NTNG1: variants seen among roughly 807,000 people sequenced by gnomAD.
NTNG1 encodes the protein netrin-G1.
In NTNG1, 16 loss-of-function variants were observed where a neutral mutation model predicts 54.0. That is an observed-to-expected ratio of 0.30 (90% CI 0.20 to 0.45). NTNG1 has a LOEUF of 0.45. NTNG1 is among the 20% of genes least tolerant of loss of function. The pLI is 1.00. For synonymous variants in NTNG1, 255 were observed against 263.1 expected (o/e 0.97, Z 0.30); for missense variants, 530 against 678.7 (o/e 0.78, Z 2.43).
chr1:107,460,270 A>T, intron 7 of NTNG1: 1 of 436,222 alleles, frequency 2.3e-6, no homozygotes, highest in Non-Finnish European at 4.6e-6. Context: ...CTGACAGTTC[A>T]TCATGAGCGC....
At chr1:107,461,162 C>T (rs1677260211) in intron 7 of NTNG1, among the ~76,000 whole-genome samples, 1 of 152,216 alleles carries the variant, frequency 6.6e-6, no homozygotes, top group Non-Finnish European at 1.5e-5. Context: ...AGACCCTGCT[C>T]TCAAGGAGCT....
intron 2 of NTNG1, among the ~76,000 whole-genome samples, chr1:107,305,691 G>A (rs1263459033): frequency 1.3e-5 from 2 of 151,976 alleles, no homozygotes; most frequent in Non-Finnish European, 2.9e-5. Context: ...TCTGTAGGTT[G>A]CCTGTTCACT....
At chr1:107,193,435 A>T (rs929142204) in intron 2 of NTNG1, among the ~76,000 whole-genome samples, 1 of 152,020 alleles carries the variant, frequency 6.6e-6, no homozygotes, top group African/African-American at 2.4e-5. Flanking sequence ...TTGTCCTCAT[A>T]ACTCATTATT....
chr1:107,194,331 T>C (rs1003085172), intron 2 of NTNG1, among the ~76,000 whole-genome samples: 27 of 152,026 alleles, frequency 1.8e-4, no homozygotes, highest in Admixed American at 8.5e-4. Flanking sequence ...ATTCACAGCA[T>C]TCTTCTGCCT....
At position 107,247,358 on chromosome 1, in the gene NTNG1, T is replaced by C. The variant is rs570244237; in HGVS notation, c.247-76924T>C. Reference sequence around the variant, plus strand: ...GGAGAGAAACAAGCTAAGAAGATCATGTAATGGCTAGCACAGAGCTTGGAG... The same window carrying C: ...GGAGAGAAACAAGCTAAGAAGATCACGTAATGGCTAGCACAGAGCTTGGAG... On this transcript the variant is annotated intron_variant, in intron 2 of 7. Transcript: ENST00000370068. Among the ~76,000 whole-genome samples, 14 of 152,330 alleles carry C rather than the reference T, an allele frequency of 9.2e-5. No homozygotes were observed. In the South Asian group the frequency reaches 2.9e-3, roughly 32 times the overall value.
intron 3 of NTNG1, among the ~76,000 whole-genome samples, chr1:107,343,634 C>T (rs1669048255): frequency 6.6e-6 from 1 of 152,048 alleles, no homozygotes; most frequent in Non-Finnish European, 1.5e-5. Context: ...AGCAGACGCT[C>T]TATCCCTGAA....
chr1:107,147,668 T>G (rs1158979466), intron 1 of NTNG1, among the ~76,000 whole-genome samples: 1 of 152,158 alleles, frequency 6.6e-6, no homozygotes, highest in African/African-American at 2.4e-5. Context: ...AAAAGGGATA[T>G]AAGTAGTTGT....
intron 2 of NTNG1, among the ~76,000 whole-genome samples, chr1:107,253,467 C>T (rs1239091731): frequency 6.6e-6 from 1 of 152,214 alleles, no homozygotes; most frequent in East Asian, 1.9e-4. Flanking sequence ...CCATGTCACC[C>T]ATTTTCCCCA....
At chr1:107,356,963 A>C (rs1298384021) in intron 3 of NTNG1, among the ~76,000 whole-genome samples, 1 of 152,160 alleles carries the variant, frequency 6.6e-6, no homozygotes, top group Non-Finnish European at 1.5e-5. Context: ...GGATCATGCC[A>C]CTGCACTCCA....
At chr1:107,146,506 A>T (rs1365439253) in intron 1 of NTNG1, among the ~76,000 whole-genome samples, 1 of 152,046 alleles carries the variant, frequency 6.6e-6, no homozygotes, top group Admixed American at 6.6e-5. Flanking sequence ...GCCACAACAC[A>T]TGCTTCTCTG....
chr1:107,444,408 T>A (rs1676181691), intron 7 of NTNG1, among the ~76,000 whole-genome samples: 1 of 152,130 alleles, frequency 6.6e-6, no homozygotes. Context: ...TTGTTCTGAA[T>A]GTACTCCACA....
chr1:107,184,773 A>C (rs144130915), intron 2 of NTNG1, among the ~76,000 whole-genome samples: 1 of 152,202 alleles, frequency 6.6e-6, no homozygotes, highest in African/African-American at 2.4e-5. Context: ...TGAAAAGTTT[A>C]TAAGGAACCA....
chr1:107,159,071 C>A (rs1655214940), intron 2 of NTNG1, among the ~76,000 whole-genome samples: 2 of 152,270 alleles, frequency 1.3e-5, no homozygotes, highest in South Asian at 2.1e-4. Context: ...GGACCGTCTG[C>A]ATGCTCTCTC....
At chr1:107,202,780 A>G (rs1436149721) in intron 2 of NTNG1, among the ~76,000 whole-genome samples, 9 of 151,850 alleles carry the variant, frequency 5.9e-5, no homozygotes, top group Non-Finnish European at 1.0e-4. Flanking sequence ...CAAATGCACT[A>G]TTTTCTCCTG....
chr1:107,404,423 CAATATGTATTGTT>C (rs1673271067), intron 4 of NTNG1, among the ~76,000 whole-genome samples: 1 of 152,012 alleles, frequency 6.6e-6, no homozygotes, highest in Non-Finnish European at 1.5e-5. Context: ...TGTTCAAAGA[CAATATGTATTGTT>C]AATATTAACA....
chr1:107,366,185 A>T (rs1008620379), intron 3 of NTNG1, among the ~76,000 whole-genome samples: 39 of 152,174 alleles, frequency 2.6e-4, no homozygotes, highest in Non-Finnish European at 1.9e-4. Flanking sequence ...AGGTAATTTA[A>T]TCTCCACAAT....
rs1203601181 is a variant in NTNG1 at position 107,484,356 on chromosome 1, A to C, written c.*3516A>C. The stretch of plus-strand genomic sequence containing the variant: ...AACAGTCTAAGAATTCTAAATCTAT[A>C]CCTGGGCTTCCAAGGGTTATGAAAG... On this transcript the variant is annotated 3_prime_UTR_variant, in exon 8 of 8. Coordinates refer to ENST00000370068, the MANE Select transcript of NTNG1 (RefSeq NM_001113226.3). Among the ~76,000 whole-genome samples the C allele has an allele frequency of 6.6e-6, 1 of 152,174 alleles. No homozygotes were observed. The highest frequency in any genetic ancestry group is 1.5e-5 in the Non-Finnish European group (1 of 68,032).
intron 2 of NTNG1, among the ~76,000 whole-genome samples, chr1:107,195,579 C>T (rs1008545325): frequency 6.6e-6 from 1 of 151,754 alleles, no homozygotes; most frequent in Admixed American, 6.6e-5. Context: ...CTATCCTTCA[C>T]TATTTCTGAC....
intron 3 of NTNG1, among the ~76,000 whole-genome samples, chr1:107,374,048 A>G (rs566565796): frequency 6.6e-6 from 1 of 152,086 alleles, no homozygotes; most frequent in South Asian, 2.1e-4. Context: ...AGAGTCCTAG[A>G]TTGACGTGTT....
Sources: gnomAD v4.1 joint callset for allele counts (sites outside exome capture counted in the v4.1 genomes callset) on GRCh38, gnomAD v4.1.1 for gene constraint, MANE v1.5 for transcripts, NCBI Gene and HGNC (gene_info 2026-07-23, HGNC 2026-07-21) for gene names.